The following STIM2 variants were observed in gnomAD, a reference collection of about 807,000 sequenced individuals.
The protein encoded by STIM2 is stromal interaction molecule 2.
Under a neutral mutation model 85.8 loss-of-function variants are expected in STIM2, and 31 were observed. That is an observed-to-expected ratio of 0.36 (90% CI 0.27 to 0.49). The LOEUF (loss-of-function observed/expected upper bound fraction) is 0.49. Ranked by LOEUF, STIM2 falls within the 20% of genes least tolerant of loss-of-function variation. STIM2 has a pLI of 0.98. For missense variants in STIM2, 841 were observed against 927.6 expected (o/e 0.91, Z 1.21); for synonymous variants, 356 against 331.1 (o/e 1.08, Z -0.82).
intron 1 of STIM2, chr4:26,861,819 T>C (rs28445387): frequency 0.87 from 132,354 of 152,814 alleles, 57,841 homozygotes; most frequent in Middle Eastern, 0.98. Context: ...GGTTCAAAGC[T>C]CCGCTTGAGC....
chr4:26,864,733 CAATT>C (rs1156749679), intron 1 of STIM2, among the ~76,000 whole-genome samples: 1 of 152,076 alleles, frequency 6.6e-6, no homozygotes, highest in Non-Finnish European at 1.5e-5. Flanking sequence ...ATTAAAATCT[CAATT>C]AAGATTTAAT....
chr4:26,927,662 C>A, intron 2 of STIM2, among the ~76,000 whole-genome samples: 1 of 58,234 alleles, frequency 1.7e-5, no homozygotes, highest in African/African-American at 6.5e-5. Flanking sequence ...CACATGTACC[C>A]TAAAACTTAG....
intron 3 of STIM2, among the ~76,000 whole-genome samples, chr4:26,987,021 A>G (rs1401569862): frequency 1.3e-5 from 2 of 152,216 alleles, no homozygotes; most frequent in Admixed American, 6.5e-5. Context: ...CAGTATAGAA[A>G]TTCATGGGAG....
At chr4:26,973,153 A>G (rs1418942481) in intron 3 of STIM2, among the ~76,000 whole-genome samples, 1 of 152,030 alleles carries the variant, frequency 6.6e-6, no homozygotes, top group Non-Finnish European at 1.5e-5. Flanking sequence ...TAATCTTGCT[A>G]GCAGTCTATC....
intron 7 of STIM2, among the ~76,000 whole-genome samples, chr4:27,004,414 C>CCCACAAAGGGTA (rs1249765105): frequency 2.0e-5 from 3 of 152,036 alleles, no homozygotes; most frequent in Non-Finnish European, 4.4e-5. Context: ...GGGTACTATG[C>CCCACAAAGGGTA]CCTTTGCACT....
chr4:26,919,392 G>A (rs1724712768), intron 1 of STIM2, 112 bp from the exon 2 acceptor site: 1 of 1,419,288 alleles, frequency 7.0e-7, no homozygotes, highest in Admixed American at 2.2e-5. Flanking sequence ...AAGTCTCTTA[G>A]TTTAACTTAG....
intron 2 of STIM2, among the ~76,000 whole-genome samples, chr4:26,920,638 C>T (rs551174962): frequency 3.9e-5 from 6 of 152,230 alleles, no homozygotes; most frequent in African/African-American, 9.6e-5. Context: ...TGTTATCTAA[C>T]GGAGACATTC....
At chr4:26,971,361 G>A (rs756280765) in intron 3 of STIM2, among the ~76,000 whole-genome samples, 3 of 152,064 alleles carry the variant, frequency 2.0e-5, no homozygotes, top group South Asian at 2.1e-4. Context: ...TTCTTCTAGC[G>A]TTTTTATGGT....
At chr4:26,862,727 A>C (rs1386557944) in intron 1 of STIM2, among the ~76,000 whole-genome samples, 1 of 152,208 alleles carries the variant, frequency 6.6e-6, no homozygotes, top group Admixed American at 6.5e-5. Context: ...TTATAGAATA[A>C]TCAGTATTAG....
rs1722166615 is a variant in STIM2, at chr4:26,861,203, G to A, written c.-16G>A. On this transcript the variant is annotated 5_prime_UTR_variant, in exon 1 of 12. Transcript: ENST00000467087. ...CAGCGTGGGGCTGGCTGCTGCGGCG[G>A]CGGCGCTGGGCTGCGTTGCTGGTGC... The A allele has an allele frequency of 1.4e-6, 2 of 1,449,508 alleles. No individual in the cohort carries two copies. The highest frequency in any genetic ancestry group is 1.4e-5 in the South Asian group (1 of 73,988). The allele number at this position is 1,449,508 out of a possible 1,614,324, so 89.8% of individuals were successfully genotyped here.
chr4:26,861,504 C>T, intron 1 of STIM2, 135 bp downstream of exon 1: 1 of 1,207,242 alleles, frequency 8.3e-7, no homozygotes, highest in Non-Finnish European at 1.0e-6. Flanking sequence ...GCCCTGCCTG[C>T]TGCTTCGTCG....
chr4:26,922,627 C>T (rs1560208427), intron 2 of STIM2, among the ~76,000 whole-genome samples: 1 of 152,042 alleles, frequency 6.6e-6, no homozygotes, highest in Non-Finnish European at 1.5e-5. Context: ...CTTGATATGC[C>T]CACCAGCCTG....
rs761153642 is a variant in STIM2, at chr4:27,002,218, C to T, written c.627C>T (p.Arg209=). Residue 209 remains arginine, a splice_region_variant and synonymous_variant, in exon 6 of 12, where the codon CGC becomes CGT. Transcript: ENST00000467087. ...AATCATCTGTAATTCTTTTAATAGGCCCACCTCATAACTGGATGAAAGATT... is the reference window on the plus strand; with the variant it reads ...AATCATCTGTAATTCTTTTAATAGGTCCACCTCATAACTGGATGAAAGATT... 1 of 1,594,782 alleles carries T rather than the reference C, an allele frequency of 6.3e-7. No individual in the cohort carries two copies. Among genetic ancestry groups the T allele is most frequent in the African/African-American group, 1.4e-5 (1 of 73,590 alleles).
chr4:26,961,297 T>C (rs1422101420), intron 3 of STIM2, among the ~76,000 whole-genome samples: 1 of 152,178 alleles, frequency 6.6e-6, no homozygotes, highest in Admixed American at 6.5e-5. Flanking sequence ...TGTAGCTTGC[T>C]GTATTGGCAG....
At chr4:26,903,676 T>C (rs750695595) in intron 1 of STIM2, among the ~76,000 whole-genome samples, 1 of 152,152 alleles carries the variant, frequency 6.6e-6, no homozygotes, top group Non-Finnish European at 1.5e-5. Context: ...AGCTGAGGCC[T>C]GCAAAGAATA....
At chr4:26,894,824 GA>G (rs1445360533) in intron 1 of STIM2, among the ~76,000 whole-genome samples, 1 of 152,120 alleles carries the variant, frequency 6.6e-6, no homozygotes, top group South Asian at 2.1e-4. Context: ...AAGCTGCATG[GA>G]AAAAAACCTA....
chr4:26,868,728 A>G (rs977243066), intron 1 of STIM2, among the ~76,000 whole-genome samples: 1 of 151,932 alleles, frequency 6.6e-6, no homozygotes, highest in Non-Finnish European at 1.5e-5. Context: ...GATAATCTTA[A>G]TCCCCCTTCT....
At chr4:26,890,210 C>T (rs565428054) in intron 1 of STIM2, among the ~76,000 whole-genome samples, 1 of 151,908 alleles carries the variant, frequency 6.6e-6, no homozygotes, top group African/African-American at 2.4e-5. Context: ...TTTTTTTCTT[C>T]GGTCAACTGA....
At chr4:26,902,055 T>C (rs1033559679) in intron 1 of STIM2, among the ~76,000 whole-genome samples, 2 of 152,054 alleles carry the variant, frequency 1.3e-5, no homozygotes, top group Non-Finnish European at 1.5e-5. Context: ...TCTTCATTCT[T>C]TTTGGGGGAA....
Sources: allele counts gnomAD v4.1 joint callset (sites outside exome capture counted in the v4.1 genomes callset), GRCh38; gene constraint gnomAD v4.1.1; transcripts MANE v1.5; gene names NCBI Gene and HGNC (gene_info 2026-07-23, HGNC 2026-07-21).